KLF8: variants seen among roughly 807,000 people sequenced by gnomAD.
KLF8 encodes Krueppel-like factor 8.
A neutral mutation model predicts 18.2 loss-of-function variants in KLF8; 10 were observed. The ratio of observed to expected loss-of-function variants is 0.55; its 90% CI spans 0.34 to 0.93. The LOEUF (loss-of-function observed/expected upper bound fraction) is 0.93, where lower values mean the gene tolerates loss of function less well. Among genes scored for constraint, KLF8 ranks in the 40% least tolerant of loss-of-function variants. KLF8 has a pLI of 0.02. For missense variants in KLF8, 264 were observed against 277.9 expected (o/e 0.95, Z 0.36); for synonymous variants, 109 against 97.3 (o/e 1.12, Z -0.71).
chrX:56,105,510 C>G, the KLF8 span, among the ~76,000 whole-genome samples: 8 of 109,674 alleles, frequency 7.3e-5, no homozygotes, highest in East Asian at 2.3e-3. Flanking sequence ...TGTGGTTTAT[C>G]AAAGACTAGA....
chrX:56,026,411 A>G, the KLF8 span, among the ~76,000 whole-genome samples: 1 of 111,762 alleles, frequency 8.9e-6, no homozygotes, highest in Non-Finnish European at 1.9e-5. Context: ...CTTGGGGAGT[A>G]CCCGGAAGTC....
the KLF8 span, among the ~76,000 whole-genome samples, chrX:56,083,420 T>A: frequency 8.9e-6 from 1 of 112,212 alleles, no homozygotes; most frequent in Non-Finnish European, 1.9e-5. Flanking sequence ...CTAGCATTAT[T>A]TTATACAGTA....
intron 3 of KLF8, chrX:56,266,232 C>G: frequency 2.7e-6 from 2 of 753,639 alleles, no homozygotes; most frequent in Non-Finnish European, 1.6e-6. Flanking sequence ...ACATACTTAG[C>G]CAGTATTAGC....
chrX:55,929,813 A>ATT, the KLF8 span, among the ~76,000 whole-genome samples: 2 of 92,071 alleles, frequency 2.2e-5, no homozygotes, highest in African/African-American at 7.8e-5. Flanking sequence ...ATGCCTCCAG[A>ATT]TTTTTTTTTT....
At chrX:56,027,902 A>G in the KLF8 span, among the ~76,000 whole-genome samples, 5 of 112,657 alleles carry the variant, frequency 4.4e-5, no homozygotes, top group Admixed American at 1.9e-4. Context: ...TTGTTAGCCA[A>G]TGGTGTCCTT....
At chrX:55,927,906 A>G in the KLF8 span, among the ~76,000 whole-genome samples, 2 of 112,119 alleles carry the variant, frequency 1.8e-5, no homozygotes, top group Non-Finnish European at 3.8e-5. Flanking sequence ...TCTTTCACCC[A>G]GTTTTCCTAA....
chrX:56,127,462 A>T, the KLF8 span, among the ~76,000 whole-genome samples: 181 of 110,746 alleles, frequency 1.6e-3, no homozygotes, highest in Middle Eastern at 9.2e-3. Context: ...GGAGTTTGAG[A>T]CCAGTCTAGG....
chrX:55,919,955 C>G, the KLF8 span, among the ~76,000 whole-genome samples: 3 of 111,861 alleles, frequency 2.7e-5, no homozygotes, highest in African/African-American at 6.5e-5. Flanking sequence ...GGAGGCCAAC[C>G]AACACAAAAC....
At chrX:56,121,450 G>A in the KLF8 span, among the ~76,000 whole-genome samples, 1 of 112,042 alleles carries the variant, frequency 8.9e-6, no homozygotes, top group Non-Finnish European at 1.9e-5. Flanking sequence ...ATTATTTATT[G>A]CTTTTGGACT....
chrX:55,956,937 A>C, the KLF8 span, among the ~76,000 whole-genome samples: 1 of 111,282 alleles, frequency 9.0e-6, no homozygotes, highest in Admixed American at 9.6e-5. Flanking sequence ...TTGATTTCCT[A>C]TGCTTTTGGT....
the KLF8 span, among the ~76,000 whole-genome samples, chrX:56,168,532 G>T: frequency 1.9e-4 from 21 of 111,737 alleles, no homozygotes; most frequent in Non-Finnish European, 3.6e-4. Flanking sequence ...AAGTTCTAGG[G>T]TATATGTGCA....
chrX:56,079,152 C>T, the KLF8 span, among the ~76,000 whole-genome samples: 6 of 111,017 alleles, frequency 5.4e-5, no homozygotes, highest in East Asian at 1.7e-3. Flanking sequence ...TTCAGTTCTG[C>T]TCTGATTTTA....
the KLF8 span, among the ~76,000 whole-genome samples, chrX:56,169,476 G>T: frequency 6.3e-5 from 7 of 110,323 alleles, no homozygotes; most frequent in African/African-American, 2.3e-4. Context: ...GGAGCCCACT[G>T]CCCTGAAAGG....
the KLF8 span, among the ~76,000 whole-genome samples, chrX:56,030,561 A>G: frequency 9.0e-6 from 1 of 111,060 alleles, no homozygotes; most frequent in African/African-American, 3.3e-5. Flanking sequence ...ACGCCTTTCC[A>G]TCATGTGTCC....
chrX:56,122,745 G>A, the KLF8 span, among the ~76,000 whole-genome samples: 2 of 110,298 alleles, frequency 1.8e-5, no homozygotes, highest in South Asian at 7.8e-4. Context: ...AGTTGAACTT[G>A]CTTTATATAT....
chrX:55,938,032 A>G, the KLF8 span, among the ~76,000 whole-genome samples: 1 of 111,257 alleles, frequency 9.0e-6, no homozygotes, highest in Admixed American at 9.6e-5. Context: ...AATGCCACAA[A>G]GATACTCCTC....
chrX:56,109,782 AATTTTT>A, the KLF8 span, among the ~76,000 whole-genome samples: 11 of 107,595 alleles, frequency 1.0e-4, no homozygotes, highest in Admixed American at 3.0e-4. Flanking sequence ...ATTTTCTTTT[AATTTTT>A]ATTTTTATTT....
intron 1 of KLF8, among the ~76,000 whole-genome samples, chrX:56,247,594 A>G (rs952740399): frequency 5.4e-5 from 6 of 110,930 alleles, no homozygotes; most frequent in African/African-American, 2.0e-4. Flanking sequence ...TTCTATTGTT[A>G]ATTATTTTTT....
At chrX:55,923,882 G>A in the KLF8 span, among the ~76,000 whole-genome samples, 1 of 110,944 alleles carries the variant, frequency 9.0e-6, no homozygotes, top group Non-Finnish European at 1.9e-5. Context: ...CCTTCTTGAT[G>A]TTCCTTAATC....
Sources: gnomAD v4.1 joint callset for allele counts (sites outside exome capture counted in the v4.1 genomes callset) on GRCh38, gnomAD v4.1.1 for gene constraint, MANE v1.5 for transcripts, NCBI Gene and HGNC (gene_info 2026-07-23, HGNC 2026-07-21) for gene names.